PRPF8: variants seen among roughly 807,000 people sequenced by gnomAD.
PRPF8 encodes the protein pre-mRNA processing factor 8.
In PRPF8, 64 loss-of-function variants were observed where a neutral mutation model predicts 285.9. The observed-to-expected ratio is 0.22, with a 90% CI of 0.18 to 0.28. PRPF8 has a LOEUF of 0.28. Ranked by LOEUF, PRPF8 falls within the 10% of genes least tolerant of loss-of-function variation. The pLI, the probability that PRPF8 is intolerant of heterozygous loss-of-function variation, is 1.00. For synonymous variants in PRPF8, 1,325 were observed against 1,118.2 expected (o/e 1.18, Z -3.69); for missense variants, 1,426 against 3,026.7 (o/e 0.47, Z 12.41).
chr17:1,653,502 T>A lies in PRPF8; in HGVS notation c.6369+40A>T. 6.2e-7 allele frequency: 1 copy of A among 1,613,824 alleles called. No individual in the cohort carries two copies. Among genetic ancestry groups the A allele is most frequent in the Non-Finnish European group, 8.5e-7 (1 of 1,179,716 alleles). ...GTCTGAGTTTTAGGCACAAAATGAG[T>A]TGGGCACACACTGTGGCCTAGCTGA... On this transcript the variant is annotated intron_variant, in intron 39 of 42. Coordinates refer to ENST00000304992, the MANE Select transcript of PRPF8 (RefSeq NM_006445.4). The surrounding 1 kb of genome is among the most constrained non-coding windows in gnomAD (Gnocchi z 4.9).
In PRPF8 at chr17:1,658,810, C is replaced by T. The variant is rs1911527739; in HGVS notation, c.5139-47G>A. The T allele has an allele frequency of 1.9e-6, 3 of 1,545,630 alleles. No homozygotes were observed. The highest frequency in any genetic ancestry group is 2.7e-6 in the Non-Finnish European group (3 of 1,118,054). ...GAAAAGTTAAGACGAGAATGACAGC[C>T]CCAGAAACAAGACAAGCTGCCAACT... On this transcript the variant is annotated intron_variant, in intron 32 of 42. Transcript: ENST00000304992. The surrounding 1 kb of genome is among the most constrained non-coding windows in gnomAD (Gnocchi z 4.1).
At chr17:1,656,898 T>C in intron 34 of PRPF8, 137 bp from the exon 35 acceptor site, 1 of 838,216 alleles carries the variant, frequency 1.2e-6, no homozygotes, top group Non-Finnish European at 2.0e-6. Context: ...ACTTAGAAGG[T>C]ACAAAGAGTA....
intron 37 of PRPF8, 133 bp from the exon 38 acceptor site, chr17:1,654,149 T>A: frequency 7.3e-7 from 1 of 1,363,932 alleles, no homozygotes; most frequent in Non-Finnish European, 1.0e-6. Flanking sequence ...GAGCTGCTTC[T>A]ACAGGAAGTG....
At chr17:1,683,841 T>A in intron 2 of PRPF8, 140 bp from the exon 3 acceptor site, 1 of 961,232 alleles carries the variant, frequency 1.0e-6, no homozygotes, top group Non-Finnish European at 1.6e-6. Context: ...CCAATTCCCT[T>A]ACCATTTTAC....
intron 29 of PRPF8, 58 bp downstream of exon 29, chr17:1,660,640 C>G: frequency 1.9e-6 from 3 of 1,614,160 alleles, no homozygotes; most frequent in Non-Finnish European, 1.7e-6. Flanking sequence ...ACGACATAAC[C>G]AAGGCAAGAA....
In PRPF8 at chr17:1,657,069, G is replaced by A. The variant is rs184270890; in HGVS notation, c.5506-308C>T. Among the ~76,000 whole-genome samples, 14 of 152,252 alleles carry A rather than the reference G, an allele frequency of 9.2e-5. No homozygotes were observed. In the South Asian group the frequency reaches 1.2e-3, roughly 14 times the overall value. On this transcript the variant is annotated intron_variant, in intron 34 of 42. Coordinates refer to ENST00000304992, the MANE Select transcript of PRPF8 (RefSeq NM_006445.4). ...TCAGAAAAAAGCTGCACAAAAAAAC[G>A]TGTCTTAAGGAGGGACTGTGATTAA...
In PRPF8 at chr17:1,673,927, T is replaced by C. The variant is rs911608217; in HGVS notation, c.3300-35A>G. On this transcript the variant is annotated intron_variant, in intron 21 of 42. Transcript: ENST00000304992. This position sits in a 1 kb window ranked among gnomAD's most constrained non-coding sequence, Gnocchi z 5.5. ...ACCAGGTACACTGCTGAGGCCCCAGTACACTGAGATTTGGGACACCCACAA... is the reference window on the plus strand; with the variant it reads ...ACCAGGTACACTGCTGAGGCCCCAGCACACTGAGATTTGGGACACCCACAA... 5.6e-6 allele frequency: 9 copies of C among 1,607,432 alleles called. No homozygotes were observed. The highest frequency in any genetic ancestry group is 4.0e-5 in the African/African-American group (3 of 74,880).
chr17:1,659,298 T>C lies in PRPF8; in HGVS notation c.5138+59A>G. On this transcript the variant is annotated intron_variant, in intron 32 of 42. Transcript: ENST00000304992. This position sits in a 1 kb window ranked among gnomAD's most constrained non-coding sequence, Gnocchi z 5.1. ...ACCGCGGCCTCCCAAAGTGCTGGGA[T>C]TACAGGTGTGAGCCACTGCGCCTGG... The C allele has an allele frequency of 6.3e-7, 1 of 1,596,182 alleles. No individual in the cohort carries two copies. Among genetic ancestry groups the C allele is most frequent in the Non-Finnish European group, 8.6e-7 (1 of 1,165,058 alleles).
rs1351356865 is a variant in PRPF8, at chr17:1,661,212, A to C, written c.4339-50T>G. 1 of 1,614,102 alleles carries C rather than the reference A, an allele frequency of 6.2e-7. No individual in the cohort carries two copies. Among genetic ancestry groups the C allele is most frequent in the African/African-American group, 1.3e-5 (1 of 75,010 alleles). ...AAGCTTCTGGGTGCCTATTGCCCCA[A>C]GTTTCGGGGATAGCCATGGATTTTC... On this transcript the variant is annotated intron_variant, in intron 27 of 42. Transcript: ENST00000304992. The surrounding 1 kb of genome is among the most constrained non-coding windows in gnomAD (Gnocchi z 7.3).
chr17:1,667,029 C>T (rs558026950), intron 24 of PRPF8, among the ~76,000 whole-genome samples: 27 of 152,138 alleles, frequency 1.8e-4, no homozygotes, highest in East Asian at 5.8e-4. Context: ...AAAAATTAGC[C>T]GGGCATGGTG....
rs1483697621 is a variant in PRPF8, at chr17:1,653,706, A to G, written c.6228-23T>C. 1.2e-6 allele frequency: 2 copies of G among 1,614,162 alleles called. No individual in the cohort carries two copies. Among genetic ancestry groups the G allele is most frequent in the Admixed American group, 3.3e-5 (2 of 60,016 alleles). The stretch of plus-strand genomic sequence containing the variant: ...GCCCTAAAAACAGGCAGGGAGTGTC[A>G]GCATCGCTCAGCCCAGCACCTTAGG... On this transcript the variant is annotated intron_variant, in intron 38 of 42. Transcript: ENST00000304992. This position sits in a 1 kb window ranked among gnomAD's most constrained non-coding sequence, Gnocchi z 4.9.
intron 13 of PRPF8, 132 bp from the exon 14 acceptor site, chr17:1,677,826 A>C (rs1912686464): frequency 2.0e-5 from 24 of 1,185,322 alleles, no homozygotes; most frequent in South Asian, 1.9e-4. Flanking sequence ...TAGAGGGGTA[A>C]AAAGAAAAAA....
chr17:1,674,318 G>A (rs140662687), intron 21 of PRPF8, 124 bp downstream of exon 21: 39 of 1,036,838 alleles, frequency 3.8e-5, no homozygotes, highest in Non-Finnish European at 5.8e-5. Context: ...TACCGCACCC[G>A]GCCGCTTCAT....
intron 3 of PRPF8, 90 bp downstream of exon 3, chr17:1,683,443 G>A: frequency 7.2e-7 from 1 of 1,386,928 alleles, no homozygotes; most frequent in South Asian, 1.2e-5. Flanking sequence ...CCACCAAGAT[G>A]AGCTGTCAAA....
At position 1,675,032 on chromosome 17, in the gene PRPF8, C is replaced by T; in HGVS notation, c.3060+120G>A. ...TCGTGATCTGCCCGCCTCAGCCTCCCAAAGTGCTGGGATTACAGGCATGAG... is the reference window on the plus strand; with the variant it reads ...TCGTGATCTGCCCGCCTCAGCCTCCTAAAGTGCTGGGATTACAGGCATGAG... On this transcript the variant is annotated intron_variant, in intron 20 of 42. Transcript: ENST00000304992. The surrounding 1 kb of genome is among the most constrained non-coding windows in gnomAD (Gnocchi z 6.0). 2 of 1,235,814 alleles carry T rather than the reference C, an allele frequency of 1.6e-6. No homozygotes were observed. The highest frequency in any genetic ancestry group is 2.3e-6 in the Non-Finnish European group (2 of 859,310). The allele number at this position is 1,235,814 out of a possible 1,614,324, so 76.6% of individuals were successfully genotyped here. A position where few individuals can be genotyped will look rare whatever the true frequency, so the allele number is the denominator to read the frequency against.
At chr17:1,668,664 G>A (rs1340977250) in intron 24 of PRPF8, among the ~76,000 whole-genome samples, 1 of 151,728 alleles carries the variant, frequency 6.6e-6, no homozygotes, top group Non-Finnish European at 1.5e-5. Context: ...GGCCGGCTGG[G>A]TCCCGCACTC....
chr17:1,657,698 C>T (rs535537001), intron 34 of PRPF8, among the ~76,000 whole-genome samples: 12 of 144,616 alleles, frequency 8.3e-5, no homozygotes, highest in East Asian at 2.0e-4. Context: ...AGCAGTGGCT[C>T]ACACCTGTAA....
At chr17:1,670,176 G>A (rs1912226789) in intron 24 of PRPF8, among the ~76,000 whole-genome samples, 1 of 152,170 alleles carries the variant, frequency 6.6e-6, no homozygotes, top group Non-Finnish European at 1.5e-5. Context: ...TATGTATCTT[G>A]GAACTGAAGA....
intron 24 of PRPF8, among the ~76,000 whole-genome samples, chr17:1,665,977 C>T (rs1911953909): frequency 7.9e-6 from 1 of 127,152 alleles, no homozygotes; most frequent in Admixed American, 8.5e-5. Flanking sequence ...TCCTCGCAAA[C>T]ACGGTGAAAC....
Sources: gnomAD v4.1 joint callset for allele counts (sites outside exome capture counted in the v4.1 genomes callset) on GRCh38, gnomAD v4.1.1 for gene constraint, Gnocchi (gnomAD v3.1) non-coding constraint, MANE v1.5 for transcripts, NCBI Gene and HGNC (gene_info 2026-07-23, HGNC 2026-07-21) for gene names.